Variants in TMTC1 observed in about 807,000 individuals in gnomAD.
TMTC1 encodes protein O-mannosyl-transferase TMTC1.
TMTC1 carries 73 observed loss-of-function variants against 104.8 expected under a neutral mutation model. The ratio of observed to expected loss-of-function variants is 0.70; its 90% CI spans 0.58 to 0.85. The LOEUF is 0.85. TMTC1 is among the 40% of genes least tolerant of loss of function. The probability of loss-of-function intolerance (pLI) is 0.00; values close to 1 mark genes in which losing one functional copy is unlikely to be tolerated. For missense variants in TMTC1, 1,035 were observed against 1,096.1 expected (o/e 0.94, Z 0.79); for synonymous variants, 434 against 428.7 (o/e 1.01, Z -0.15).
chr12:29,705,345 A>T (rs1033238660), intron 5 of TMTC1, among the ~76,000 whole-genome samples: 1 of 152,208 alleles, frequency 6.6e-6, no homozygotes, highest in African/African-American at 2.4e-5. Context: ...GATTATTTTG[A>T]GCTGATTATT....
At chr12:29,548,800 T>C (rs1463256856) in intron 10 of TMTC1, among the ~76,000 whole-genome samples, 1 of 81,982 alleles carries the variant, frequency 1.2e-5, no homozygotes, top group Non-Finnish European at 2.3e-5. Context: ...CATATAAATA[T>C]ATAAGTATAA....
chr12:29,652,215 G>A (rs1939554317), intron 5 of TMTC1, among the ~76,000 whole-genome samples: 1 of 152,178 alleles, frequency 6.6e-6, no homozygotes, highest in Non-Finnish European at 1.5e-5. Context: ...AATGGGAGAT[G>A]TCCCATGAGA....
At chr12:29,654,422 T>G (rs909984595) in intron 5 of TMTC1, among the ~76,000 whole-genome samples, 2 of 152,172 alleles carry the variant, frequency 1.3e-5, no homozygotes, top group Admixed American at 1.3e-4. Flanking sequence ...CCCATTGGTA[T>G]GGCTATAATA....
rs780498070 is a variant in TMTC1 at position 29,632,811 on chromosome 12, G to C, written c.1128+336C>G. 5.3e-4 allele frequency among the ~76,000 whole-genome samples: 81 copies of C among 152,270 alleles called. No homozygotes were observed. The Middle Eastern group carries it at 0.01, about 19-fold the overall frequency. ...CCCCTGGCAGTCACTCATGAAAGTA[G>C]AGTCTTAACCATATTTTAAGCATTT... On this transcript the variant is annotated intron_variant, in intron 6 of 17. Transcript: ENST00000539277.
intron 6 of TMTC1, chr12:29,609,962 A>G (rs1438885456): frequency 6.6e-6 from 1 of 152,304 alleles, no homozygotes; most frequent in African/African-American, 2.4e-5. Flanking sequence ...ATTTCTCTTC[A>G]TGGCAACAGC....
chr12:29,534,665 A>G (rs1944593278), intron 11 of TMTC1: 3 of 152,236 alleles, frequency 2.0e-5, no homozygotes, highest in Admixed American at 2.0e-4. Flanking sequence ...AAATTTGTTA[A>G]TAGTAAGGCT....
intron 9 of TMTC1, among the ~76,000 whole-genome samples, chr12:29,568,397 A>G (rs1252319322): frequency 6.6e-6 from 1 of 152,210 alleles, no homozygotes; most frequent in Non-Finnish European, 1.5e-5. Context: ...GAGTGAAATA[A>G]TTGTAAAAGA....
chr12:29,749,073 T>C (rs986125285), intron 5 of TMTC1, among the ~76,000 whole-genome samples: 7 of 152,174 alleles, frequency 4.6e-5, no homozygotes, highest in Non-Finnish European at 1.0e-4. Flanking sequence ...TCAGCCACAG[T>C]GGGAGTATTT....
chr12:29,678,244 G>C (rs924694626), intron 5 of TMTC1, among the ~76,000 whole-genome samples: 1 of 152,112 alleles, frequency 6.6e-6, no homozygotes, highest in Non-Finnish European at 1.5e-5. Flanking sequence ...TAAAACCATA[G>C]AGAAGTGCTG....
At chr12:29,765,782 A>G (rs1943450029) in intron 2 of TMTC1, among the ~76,000 whole-genome samples, 1 of 152,196 alleles carries the variant, frequency 6.6e-6, no homozygotes, top group Admixed American at 6.5e-5. Context: ...GCAGGTACCA[A>G]CTATTCCTAG....
intron 5 of TMTC1, among the ~76,000 whole-genome samples, chr12:29,650,753 G>C (rs1005074835): frequency 3.3e-5 from 5 of 152,170 alleles, no homozygotes; most frequent in African/African-American, 1.2e-4. Flanking sequence ...CCTACTAACC[G>C]ATGTTGTAGG....
At chr12:29,643,798 C>CATATTTAT (rs1555180885) in intron 5 of TMTC1, among the ~76,000 whole-genome samples, 3 of 33,434 alleles carry the variant, frequency 9.0e-5, no homozygotes, top group Non-Finnish European at 1.6e-4. Flanking sequence ...TATTTATATA[C>CATATTTAT]ATATTTATAT....
At chr12:29,577,531 C>T (rs905341492) in intron 8 of TMTC1, among the ~76,000 whole-genome samples, 3 of 152,272 alleles carry the variant, frequency 2.0e-5, no homozygotes, top group South Asian at 2.1e-4. Flanking sequence ...TCAGAATCCT[C>T]GCACAACACA....
At chr12:29,675,037 C>T (rs919213519) in intron 5 of TMTC1, among the ~76,000 whole-genome samples, 1 of 152,150 alleles carries the variant, frequency 6.6e-6, no homozygotes, top group Non-Finnish European at 1.5e-5. Context: ...TTCCAGTCAC[C>T]GGACCATGTG....
At position 29,506,658 on chromosome 12, in the gene TMTC1, G is replaced by A. The variant is rs1008667993; in HGVS notation, c.*188C>T. The A allele has an allele frequency of 6.4e-5, 40 of 628,444 alleles. No individual in the cohort carries two copies. Among genetic ancestry groups the A allele is most frequent in the South Asian group, 1.3e-4 (6 of 46,942 alleles). The allele number at this position is 628,444 out of a possible 1,614,324, so 38.9% of individuals were successfully genotyped here. A position where few individuals can be genotyped will look rare whatever the true frequency, so the allele number is the denominator to read the frequency against. On this transcript the variant is annotated 3_prime_UTR_variant, in exon 18 of 18. Coordinates refer to ENST00000539277, the MANE Select transcript of TMTC1 (RefSeq NM_001193451.2). ...CTTCTTGCCCTTGTTTGCTGTTTTC[G>A]TCTTCTTCATGGAAAAGCAAGTCCT...
chr12:29,595,069 C>A (rs1406662501), intron 7 of TMTC1, among the ~76,000 whole-genome samples: 1 of 152,232 alleles, frequency 6.6e-6, no homozygotes, highest in Non-Finnish European at 1.5e-5. Flanking sequence ...ACACTTCTCA[C>A]ATGTATTATT....
chr12:29,643,449 CATATATATGATGGAAT>C (rs1035640893), intron 5 of TMTC1, among the ~76,000 whole-genome samples: 6 of 92,932 alleles, frequency 6.5e-5, no homozygotes, highest in Admixed American at 1.4e-4. Flanking sequence ...ATATATATCA[CATATATATGATGGAAT>C]ATATATATGA....
At chr12:29,571,297 G>A (rs77117299) in intron 9 of TMTC1, among the ~76,000 whole-genome samples, 3,063 of 152,096 alleles carry the variant, frequency 0.02, 99 homozygotes, top group African/African-American at 0.071. Flanking sequence ...TGTGTTGAAG[G>A]TTAAGTACAT....
At chr12:29,614,779 G>C (rs1000037695) in intron 6 of TMTC1, among the ~76,000 whole-genome samples, 2 of 152,208 alleles carry the variant, frequency 1.3e-5, no homozygotes, top group Non-Finnish European at 2.9e-5. Context: ...CTAGTTGGGA[G>C]TTATATTTTT....
Sources: allele counts gnomAD v4.1 joint callset (sites outside exome capture counted in the v4.1 genomes callset), GRCh38; gene constraint gnomAD v4.1.1; transcripts MANE v1.5; gene names NCBI Gene and HGNC (gene_info 2026-07-23, HGNC 2026-07-21).